Variants in CAPN7 observed in about 807,000 individuals in gnomAD.
The protein encoded by CAPN7 is calpain 7.
A neutral mutation model predicts 115.2 loss-of-function variants in CAPN7; 72 were observed. The observed-to-expected ratio is 0.63, with a 90% confidence interval of 0.52 to 0.76. The LOEUF is 0.76. CAPN7 is among the 30% of genes least tolerant of loss of function. The probability of loss-of-function intolerance (pLI) is 0.00; values close to 1 mark genes in which losing one functional copy is unlikely to be tolerated. For missense variants in CAPN7, 905 were observed against 971.5 expected (o/e 0.93, Z 0.91); for synonymous variants, 344 against 322.3 (o/e 1.07, Z -0.72).
intron 2 of CAPN7, among the ~76,000 whole-genome samples, chr3:15,213,951 C>T (rs916896182): frequency 5.3e-5 from 8 of 150,758 alleles, no homozygotes; most frequent in African/African-American, 2.0e-4. Flanking sequence ...GCGATCTCAG[C>T]TCACTGCCAA....
At chr3:15,242,775 A>G (rs961366225) in intron 16 of CAPN7, among the ~76,000 whole-genome samples, 1 of 152,172 alleles carries the variant, frequency 6.6e-6, no homozygotes, top group Non-Finnish European at 1.5e-5. Context: ...CTTAATGCAC[A>G]TAGTTAAGGT....
At chr3:15,210,733 C>G in intron 1 of CAPN7, 1 of 1,239,562 alleles carries the variant, frequency 8.1e-7, no homozygotes, top group Non-Finnish European at 1.1e-6. Context: ...GTAGCTGGGA[C>G]TACTTTGTAG....
chr3:15,224,936 A>G (rs899263197), intron 6 of CAPN7, among the ~76,000 whole-genome samples: 6 of 152,192 alleles, frequency 3.9e-5, no homozygotes, highest in African/African-American at 1.4e-4. Context: ...AGGAATTTTT[A>G]TATCTGAGAA....
At chr3:15,216,594 C>T (rs1306505297) in intron 2 of CAPN7, among the ~76,000 whole-genome samples, 1 of 151,956 alleles carries the variant, frequency 6.6e-6, no homozygotes, top group Admixed American at 6.6e-5. Context: ...AATGAAAATA[C>T]ATAACATATT....
intron 6 of CAPN7, 30 bp from the exon 7 acceptor site, chr3:15,227,809 T>A: frequency 7.3e-7 from 1 of 1,366,922 alleles, no homozygotes; most frequent in Admixed American, 3.1e-5. Context: ...AAGATTAATT[T>A]TTTTATTTTA....
Position 15,247,341 on chromosome 3 carries a change from G to T in CAPN7, c.2088G>T (p.Trp696Cys). 6.4e-7 allele frequency: 1 copy of T among 1,573,304 alleles called. No homozygotes were observed. Among genetic ancestry groups the T allele is most frequent in the Non-Finnish European group, 8.6e-7 (1 of 1,164,030 alleles). ...YTLSKRINGK[W>C]SGQSAGGCGN... ...GTTTTTATTAGATTAATGGAAAGTG[G>T]AGTGGTCAGAGTGCTGGAGGATGTG... Residue 696 changes from tryptophan to cysteine, a missense_variant, in exon 19 of 21, where the codon TGG becomes TGT. This residue lies in a region of CAPN7 where 620 missense variants were observed against 703.4 expected (regional missense o/e 0.88). Coordinates refer to ENST00000253693, the MANE Select transcript of CAPN7 (RefSeq NM_014296.3).
At chr3:15,243,721 G>C (rs917587216) in intron 16 of CAPN7, among the ~76,000 whole-genome samples, 1 of 151,872 alleles carries the variant, frequency 6.6e-6, no homozygotes, top group South Asian at 2.1e-4. Flanking sequence ...AGAAACTATT[G>C]TGGGAACTAA....
chr3:15,217,585 G>A lies in CAPN7; in HGVS notation c.369+3G>A, dbSNP rs190402360. The A allele has an allele frequency of 1.4e-5, 22 of 1,607,434 alleles. No homozygotes were observed. The African/African-American group carries it at 2.7e-4, about 20-fold the overall frequency. ...CTGTGGATCTCTGTCTGAAAACAGT[G>A]TGTATAGCTACAAATTACGTTTGAT... On this transcript the variant is annotated splice_donor_region_variant and intron_variant, in intron 3 of 20. Coordinates refer to ENST00000253693, the MANE Select transcript of CAPN7 (RefSeq NM_014296.3).
rs548950638 is a variant in CAPN7 at position 15,220,835 on chromosome 3, A to C, written c.492A>C (p.Thr164=). ...LTKPVGKISS[T]SVKPKPPPVR... ...AGCCAGTTGGCAAAATCAGTTCAAC[A>C]AGTGTTAAGCCAAAGCCACCTCCAG... The change falls in exon 5 of 21, where the codon ACA becomes ACC. Residue 164 remains threonine, a synonymous_variant. Coordinates refer to ENST00000253693, the MANE Select transcript of CAPN7 (RefSeq NM_014296.3). 6.2e-7 allele frequency: 1 copy of C among 1,614,082 alleles called. No individual in the cohort carries two copies. Among genetic ancestry groups the C allele is most frequent in the Non-Finnish European group, 8.5e-7 (1 of 1,180,040 alleles).
intron 5 of CAPN7, among the ~76,000 whole-genome samples, chr3:15,221,372 T>TTTA (rs1406783375): frequency 1.4e-5 from 2 of 140,952 alleles, no homozygotes; most frequent in Non-Finnish European, 3.0e-5. Flanking sequence ...TTTTTTTTTT[T>TTTA]AGTAGAGACA....
chr3:15,232,415 G>T, intron 9 of CAPN7, 104 bp from the exon 10 acceptor site: 2 of 840,090 alleles, frequency 2.4e-6, no homozygotes, highest in East Asian at 2.7e-5. Flanking sequence ...TCAGCATATT[G>T]TGCGTTATAT....
chr3:15,212,744 T>A (rs1232396322), intron 2 of CAPN7, among the ~76,000 whole-genome samples: 2 of 152,208 alleles, frequency 1.3e-5, no homozygotes, highest in African/African-American at 4.8e-5. Flanking sequence ...GGTACAATAA[T>A]AGAAATATAT....
intron 6 of CAPN7, among the ~76,000 whole-genome samples, chr3:15,225,010 G>GTC (rs1449043632): frequency 2.0e-5 from 3 of 152,156 alleles, no homozygotes; most frequent in Admixed American, 1.3e-4. Context: ...CAAACCTTGT[G>GTC]TAACACCGGG....
Position 15,217,591 on chromosome 3 carries a change from A to G in CAPN7, c.369+9A>G, listed in dbSNP as rs2124899497. 1.2e-6 allele frequency: 2 copies of G among 1,600,612 alleles called. No individual in the cohort carries two copies. Among genetic ancestry groups the G allele is most frequent in the Non-Finnish European group, 1.7e-6 (2 of 1,173,538 alleles). ...ATCTCTGTCTGAAAACAGTGTGTAT[A>G]GCTACAAATTACGTTTGATGAGTTA... On this transcript the variant is annotated intron_variant, in intron 3 of 20. Coordinates refer to ENST00000253693, the MANE Select transcript of CAPN7 (RefSeq NM_014296.3).
In CAPN7 at chr3:15,212,185, G is replaced by C. The variant is rs1230998101; in HGVS notation, c.184G>C (p.Glu62Gln). 11 of 1,607,226 alleles carry C rather than the reference G, an allele frequency of 6.8e-6. No individual in the cohort carries two copies. The change falls in exon 2 of 21, where the codon GAA becomes CAA. Residue 62 changes from glutamate (E) to glutamine (Q), a missense_variant. By Grantham distance (29) the Glu-to-Gln change is conservative (BLOSUM62 2). Around this residue, in one of 3 missense-constraint regions of CAPN7, gnomAD observed 271 missense variants for 239.6 expected, o/e 1.13. Transcript: ENST00000253693. ...NIQEKITEYL[E>Q]RVQALHSAVQ... ...TCAAGAAAAAATAACTGAGTATCTGGAAAGAGTTCAAGCTCTACATTCAGC... is the reference window on the plus strand; with the variant it reads ...TCAAGAAAAAATAACTGAGTATCTGCAAAGAGTTCAAGCTCTACATTCAGC...
chr3:15,229,553 C>CTTTTTTGTTTTTTTT (rs1559398769), intron 8 of CAPN7, among the ~76,000 whole-genome samples: 1 of 88,306 alleles, frequency 1.1e-5, no homozygotes, highest in African/African-American at 3.8e-5. Flanking sequence ...ATTGGTTTTA[C>CTTTTTTGTTTTTTTT]TTTTTTTCTT....
At chr3:15,245,854 A>G in intron 17 of CAPN7, 183 bp downstream of exon 17, 1 of 508,446 alleles carries the variant, frequency 2.0e-6, no homozygotes, top group Non-Finnish European at 3.3e-6. Context: ...TTTGAAAAGA[A>G]ATGTCTTTAT....
intron 1 of CAPN7, among the ~76,000 whole-genome samples, chr3:15,211,822 G>A (rs1365331133): frequency 2.6e-5 from 4 of 152,054 alleles, no homozygotes; most frequent in Non-Finnish European, 4.4e-5. Flanking sequence ...TTGAACCTGG[G>A]GAGGTTGAGC....
rs114094201 is a variant in CAPN7, at chr3:15,219,216, G to A, written c.437+676G>A. On this transcript the variant is annotated intron_variant, in intron 4 of 20. Transcript: ENST00000253693. ...CAGCAGAGTGCCTGACATGTAATAT[G>A]TGCTCAGTAGATATTTGCTAAAAGA... Among the ~76,000 whole-genome samples the A allele has an allele frequency of 6.7e-3, 1,017 of 152,300 alleles. 12 individuals are homozygous for A. Among genetic ancestry groups the A allele is most frequent in the African/African-American group, 0.023 (950 of 41,554 alleles).
Sources: allele counts gnomAD v4.1 joint callset (sites outside exome capture counted in the v4.1 genomes callset), GRCh38; gene constraint gnomAD v4.1.1; regional missense constraint gnomAD v4.1.1; transcripts MANE v1.5; gene names NCBI Gene and HGNC (gene_info 2026-07-23, HGNC 2026-07-21).